VTI1A: variants seen among roughly 807,000 people sequenced by gnomAD.
VTI1A encodes the protein vesicle transport through interaction with t-SNAREs homolog 1A.
VTI1A carries 22 observed loss-of-function variants against 34.9 expected under a neutral mutation model. That is an observed-to-expected ratio of 0.63 (90% CI 0.45 to 0.90). VTI1A has a LOEUF of 0.90. VTI1A is among the 40% of genes least tolerant of loss of function. The pLI is 0.00. For synonymous variants in VTI1A, 87 were observed against 97.3 expected (o/e 0.89, Z 0.62); for missense variants, 268 against 275.6 (o/e 0.97, Z 0.20).
chr10:112,719,548 CTTT>C (rs759646217), intron 7 of VTI1A, among the ~76,000 whole-genome samples: 2 of 144,490 alleles, frequency 1.4e-5, no homozygotes, highest in Non-Finnish European at 3.1e-5. Flanking sequence ...AATTGTAGAA[CTTT>C]TTTTTTTTTT....
chr10:112,619,868 G>A (rs1276446608), intron 5 of VTI1A, among the ~76,000 whole-genome samples: 1 of 152,202 alleles, frequency 6.6e-6, no homozygotes, highest in Non-Finnish European at 1.5e-5. Flanking sequence ...AGGTGGAAGG[G>A]AAGGAGACAC....
downstream of VTI1A, among the ~76,000 whole-genome samples, chr10:112,823,061 C>G (rs1203392798): frequency 5.9e-5 from 9 of 152,330 alleles, no homozygotes; most frequent in East Asian, 9.7e-4. Context: ...ACACTGCCCC[C>G]TGAGATGAAT....
chr10:112,593,165 A>C (rs1040599617), intron 5 of VTI1A, among the ~76,000 whole-genome samples: 5 of 152,254 alleles, frequency 3.3e-5, no homozygotes, highest in African/African-American at 9.6e-5. Flanking sequence ...AGTAGTTTTC[A>C]ACCCTCGCTC....
At chr10:112,714,163 G>A (rs768535057) in intron 7 of VTI1A, among the ~76,000 whole-genome samples, 13 of 152,100 alleles carry the variant, frequency 8.5e-5, no homozygotes, top group Non-Finnish European at 1.9e-4. Flanking sequence ...ATCACACTAA[G>A]ACTTGATCTT....
intron 7 of VTI1A, among the ~76,000 whole-genome samples, chr10:112,770,541 G>A (rs571944292): frequency 7.3e-5 from 11 of 150,762 alleles, no homozygotes; most frequent in African/African-American, 2.7e-4. Flanking sequence ...GACTACAGGC[G>A]CCTGTCACCA....
At chr10:112,790,685 A>G (rs757675059) in intron 7 of VTI1A, among the ~76,000 whole-genome samples, 7 of 152,022 alleles carry the variant, frequency 4.6e-5, no homozygotes, top group Non-Finnish European at 8.8e-5. Context: ...TTCTTACCCA[A>G]AATTCTGCCA....
At chr10:112,582,828 C>G (rs1365014762) in intron 5 of VTI1A, among the ~76,000 whole-genome samples, 1 of 152,018 alleles carries the variant, frequency 6.6e-6, no homozygotes, top group Non-Finnish European at 1.5e-5. Context: ...TCTGTGAGGT[C>G]AGCCACCTGG....
intron 1 of VTI1A, 45 bp from the exon 2 acceptor site, chr10:112,460,479 T>A (rs1301627977): frequency 2.6e-6 from 4 of 1,538,046 alleles, no homozygotes; most frequent in Non-Finnish European, 3.5e-6. Flanking sequence ...AATATTAAAT[T>A]TATTTGTATC....
intron 7 of VTI1A, among the ~76,000 whole-genome samples, chr10:112,680,943 G>A (rs919481425): frequency 6.6e-6 from 1 of 152,112 alleles, no homozygotes; most frequent in African/African-American, 2.4e-5. Context: ...TTAGGAAGAT[G>A]TTTGGCCACA....
chr10:112,753,764 G>C lies in VTI1A; in HGVS notation c.561-61526G>C, dbSNP rs538858082. 3.3e-5 allele frequency among the ~76,000 whole-genome samples: 5 copies of C among 152,288 alleles called. No individual in the cohort carries two copies. The East Asian group carries it at 9.6e-4, about 29-fold the overall frequency. ...TTTCGTGAATATATTCATATGAAAA[G>C]AATTTGATATTTCTTTCTCTCACGG... On this transcript the variant is annotated intron_variant, in intron 7 of 7. Coordinates refer to ENST00000393077, the MANE Select transcript of VTI1A (RefSeq NM_145206.4).
At chr10:112,598,825 T>C (rs73367052) in intron 5 of VTI1A, among the ~76,000 whole-genome samples, 229 of 152,310 alleles carry the variant, frequency 1.5e-3, no homozygotes, top group African/African-American at 5.3e-3. Context: ...GTAATGCTGG[T>C]GTGTAAAGAA....
chr10:112,677,265 C>CT (rs1848066281), intron 7 of VTI1A, among the ~76,000 whole-genome samples: 1 of 152,062 alleles, frequency 6.6e-6, no homozygotes, highest in Non-Finnish European at 1.5e-5. Context: ...TCCAAATGAG[C>CT]TTTTGTCTAT....
intron 5 of VTI1A, 126 bp from the exon 6 acceptor site, chr10:112,668,092 A>G (rs1213617980): frequency 1.5e-6 from 1 of 653,216 alleles, no homozygotes; most frequent in African/African-American, 1.8e-5. Flanking sequence ...ACATGAATTG[A>G]AATATGTGTC....
chr10:112,644,178 A>G (rs1482963592), intron 5 of VTI1A, among the ~76,000 whole-genome samples: 1 of 152,250 alleles, frequency 6.6e-6, no homozygotes, highest in Non-Finnish European at 1.5e-5. Flanking sequence ...AGAAACATAT[A>G]TATTAGAGTA....
chr10:112,606,286 A>G (rs1010126365), intron 5 of VTI1A, among the ~76,000 whole-genome samples: 7 of 151,918 alleles, frequency 4.6e-5, no homozygotes, highest in Non-Finnish European at 8.8e-5. Flanking sequence ...CGGCCTCCCA[A>G]AGTGCTGGGA....
intron 3 of VTI1A, among the ~76,000 whole-genome samples, chr10:112,467,909 G>C (rs536026543): frequency 6.6e-6 from 1 of 152,204 alleles, no homozygotes; most frequent in African/African-American, 2.4e-5. Context: ...ACAAGATAAA[G>C]TTCTACTTGT....
chr10:112,671,028 C>T (rs182871229), intron 7 of VTI1A, among the ~76,000 whole-genome samples: 134 of 152,224 alleles, frequency 8.8e-4, no homozygotes, highest in Admixed American at 2.1e-3. Flanking sequence ...TAATTACTGC[C>T]GCGTATGATA....
Position 112,737,537 on chromosome 10 carries a change from A to G in VTI1A, c.560+68539A>G, listed in dbSNP as rs999460841. ...ACGGGGTGTGCAGTATTTTAGGTAC[A>G]TCGTGAGCAAGGAGCCTGCATTCCC... On this transcript the variant is annotated intron_variant, in intron 7 of 7. Coordinates refer to ENST00000393077, the MANE Select transcript of VTI1A (RefSeq NM_145206.4). The G allele has an allele frequency of 4.8e-6, 5 of 1,050,514 alleles. No homozygotes were observed. The African/African-American group carries it at 8.3e-5, about 17-fold the overall frequency. 65.1% of individuals were successfully genotyped at this position (1,050,514 alleles called of 1,614,324 possible). A position where few individuals can be genotyped will look rare whatever the true frequency, so the allele number is the denominator to read the frequency against.
intron 3 of VTI1A, among the ~76,000 whole-genome samples, chr10:112,514,567 C>G (rs1277378212): frequency 6.6e-6 from 1 of 151,478 alleles, no homozygotes; most frequent in African/African-American, 2.4e-5. Flanking sequence ...TTTTGTTCTT[C>G]TAGTTTCTTG....
Sources: allele counts gnomAD v4.1 joint callset (sites outside exome capture counted in the v4.1 genomes callset), GRCh38; gene constraint gnomAD v4.1.1; transcripts MANE v1.5; gene names NCBI Gene and HGNC (gene_info 2026-07-23, HGNC 2026-07-21).